Variants in DLGAP2 observed in about 807,000 individuals in gnomAD.
DLGAP2 encodes the protein disks large-associated protein 2.
In DLGAP2, 26 loss-of-function variants were observed where a neutral mutation model predicts 100.3. That is an observed-to-expected ratio of 0.26 (90% confidence interval 0.19 to 0.36). The LOEUF is 0.36. Among genes scored for constraint, DLGAP2 ranks in the 10% least tolerant of loss-of-function variants. The pLI, the probability that DLGAP2 is intolerant of heterozygous loss-of-function variation, is 1.00. For missense variants in DLGAP2, 1,858 were observed against 1,453.2 expected (o/e 1.28, Z -4.53); for synonymous variants, 886 against 630.1 (o/e 1.41, Z -6.08).
At position 1,485,809 on chromosome 8, in the gene DLGAP2, G is replaced by C. The variant is rs113440785; in HGVS notation, c.107-15557G>C. ...GGAGGCTGAGGCAGATGGATCACTTGAAGTTAGGAGTTTGAGAACAGCCTG... is the reference window on the plus strand; with the variant it reads ...GGAGGCTGAGGCAGATGGATCACTTCAAGTTAGGAGTTTGAGAACAGCCTG... On this transcript the variant is annotated intron_variant, in intron 3 of 14. Transcript: ENST00000637795. Among the ~76,000 whole-genome samples, 29 of 152,334 alleles carry C rather than the reference G, an allele frequency of 1.9e-4. 1 individual carries two copies. The highest frequency in any genetic ancestry group is 7.0e-4 in the African/African-American group (29 of 41,578).
At chr8:1,456,692 A>G (rs867793120) in intron 3 of DLGAP2, among the ~76,000 whole-genome samples, 11 of 142,920 alleles carry the variant, frequency 7.7e-5, no homozygotes, top group Middle Eastern at 3.6e-3. Flanking sequence ...GTTGTCTAGG[A>G]TCCTTATGTG....
At chr8:981,971 C>T (rs1800343852) in intron 2 of DLGAP2, among the ~76,000 whole-genome samples, 1 of 152,190 alleles carries the variant, frequency 6.6e-6, no homozygotes, top group African/African-American at 2.4e-5. Flanking sequence ...AACTGGATAC[C>T]ACATCCCTGG....
intron 4 of DLGAP2, among the ~76,000 whole-genome samples, chr8:1,541,773 C>G (rs1322325814): frequency 1.3e-5 from 2 of 152,218 alleles, no homozygotes; most frequent in Admixed American, 6.5e-5. Flanking sequence ...GTGTGTAACT[C>G]AAACTCACAT....
chr8:963,195 C>A (rs1799767969), intron 2 of DLGAP2, among the ~76,000 whole-genome samples: 1 of 152,132 alleles, frequency 6.6e-6, no homozygotes, highest in Non-Finnish European at 1.5e-5. Flanking sequence ...TCTCATAGGA[C>A]CTTGCCTGCA....
intron 4 of DLGAP2, among the ~76,000 whole-genome samples, chr8:1,515,679 AC>A (rs1800346671): frequency 9.7e-6 from 1 of 103,500 alleles, no homozygotes; most frequent in African/African-American, 4.1e-5. Flanking sequence ...ACATGTTGAC[AC>A]ACACAACATG....
chr8:775,885 C>T (rs1362020021), intron 1 of DLGAP2, among the ~76,000 whole-genome samples: 4 of 146,894 alleles, frequency 2.7e-5, no homozygotes, highest in Non-Finnish European at 4.5e-5. Context: ...AGGGAGGATT[C>T]CCTCTTTTTC....
chr8:785,792 GACCGGCC>G (rs1284866803), intron 1 of DLGAP2, among the ~76,000 whole-genome samples: 3 of 41,670 alleles, frequency 7.2e-5, no homozygotes, highest in African/African-American at 2.5e-4. Context: ...GCCCCTCTGA[GACCGGCC>G]TCCCTCCTCC....
rs969378363 is a variant in DLGAP2 at position 1,287,423 on chromosome 8, G to A, written c.106+28540G>A. 4.4e-5 allele frequency among the ~76,000 whole-genome samples: 6 copies of A among 135,520 alleles called. No homozygotes were observed. The East Asian group carries it at 6.9e-4, about 16-fold the overall frequency. 88.9% of individuals were successfully genotyped at this position (135,520 alleles called of 152,430 possible). ...GGAGGGGAACTAGTTTTGGTTCAGC[G>A]TGTGTGTGTGTGTGTGGTTGTTAGG... On this transcript the variant is annotated intron_variant, in intron 3 of 14. Transcript: ENST00000637795.
intron 3 of DLGAP2, among the ~76,000 whole-genome samples, chr8:1,358,627 G>A (rs928175134): frequency 6.6e-6 from 1 of 152,192 alleles, no homozygotes; most frequent in Non-Finnish European, 1.5e-5. Context: ...ACGGCTCTTT[G>A]ATGTTGGTGT....
intron 1 of DLGAP2, among the ~76,000 whole-genome samples, chr8:770,652 C>T (rs1821332780): frequency 1.3e-5 from 2 of 152,128 alleles, no homozygotes; most frequent in African/African-American, 4.8e-5. Context: ...TCGGTGGCGT[C>T]TCTCCTTCGT....
At chr8:996,440 G>T (rs1800786396) in intron 2 of DLGAP2, among the ~76,000 whole-genome samples, 1 of 152,176 alleles carries the variant, frequency 6.6e-6, no homozygotes. Context: ...AGGCCGTTCT[G>T]GAGGCTGCTG....
intron 4 of DLGAP2, among the ~76,000 whole-genome samples, chr8:1,532,150 G>T (rs1801007119): frequency 6.6e-6 from 1 of 152,130 alleles, no homozygotes; most frequent in African/African-American, 2.4e-5. Flanking sequence ...GAATAGAGTG[G>T]GAGGCAGGTT....
intron 3 of DLGAP2, among the ~76,000 whole-genome samples, chr8:1,454,069 G>C (rs1318452868): frequency 6.6e-6 from 1 of 152,254 alleles, no homozygotes; most frequent in African/African-American, 2.4e-5. Context: ...AGATCGCAAA[G>C]TTGAAATCTG....
At position 1,604,382 on chromosome 8, in the gene DLGAP2, C is replaced by G. The variant is rs550510498; in HGVS notation, c.1443-22358C>G. Among the ~76,000 whole-genome samples, 5 of 152,282 alleles carry G rather than the reference C, an allele frequency of 3.3e-5. 1 individual carries two copies. In the South Asian group the frequency reaches 1.0e-3, roughly 32 times the overall value. On this transcript the variant is annotated intron_variant, in intron 6 of 14. Coordinates refer to ENST00000637795, the MANE Select transcript of DLGAP2 (RefSeq NM_001346810.2). ...ACCTCAGTGGGGCATCCTATCCCTC[C>G]ATCCAAATAGATCCATGTTTCTCAA... is the stretch of plus-strand genomic sequence containing the variant.
intron 3 of DLGAP2, among the ~76,000 whole-genome samples, chr8:1,480,808 G>C (rs993874112): frequency 2.0e-5 from 3 of 151,754 alleles, no homozygotes; most frequent in African/African-American, 7.3e-5. Flanking sequence ...AGAGGTTGCA[G>C]TGAGCTGAGA....
At chr8:1,572,175 G>A (rs1288048118) in intron 6 of DLGAP2, among the ~76,000 whole-genome samples, 6 of 115,712 alleles carry the variant, frequency 5.2e-5, no homozygotes, top group African/African-American at 7.0e-5. Context: ...CTGTGGGGGT[G>A]TCTGATGAGA....
chr8:1,332,181 G>A (rs758397132), intron 3 of DLGAP2, among the ~76,000 whole-genome samples: 15 of 152,198 alleles, frequency 9.9e-5, no homozygotes, highest in Non-Finnish European at 1.6e-4. Context: ...GAATGTGAGC[G>A]TATTTGCGTT....
At chr8:1,242,807 G>A (rs1242717571) in intron 2 of DLGAP2, among the ~76,000 whole-genome samples, 1 of 152,028 alleles carries the variant, frequency 6.6e-6, no homozygotes, top group Non-Finnish European at 1.5e-5. Context: ...TGGATGGACG[G>A]ATGGATGGAC....
chr8:1,360,915 G>T (rs891351175), intron 3 of DLGAP2, among the ~76,000 whole-genome samples: 6 of 152,214 alleles, frequency 3.9e-5, no homozygotes, highest in African/African-American at 1.4e-4. Flanking sequence ...ACGGTTTCTC[G>T]CCTCTCATCG....
Sources: gnomAD v4.1 joint callset for allele counts (sites outside exome capture counted in the v4.1 genomes callset) on GRCh38, gnomAD v4.1.1 for gene constraint, MANE v1.5 for transcripts, NCBI Gene and HGNC (gene_info 2026-07-23, HGNC 2026-07-21) for gene names.